The following RMP24 variants were observed in gnomAD, a reference collection of about 807,000 sequenced individuals.
RMP24 encodes ribonuclease MRP protein subunit p24.
chr18:35,975,202 A>G, the RMP24 span: 4 of 871,248 alleles, frequency 4.6e-6, no homozygotes, highest in South Asian at 7.3e-5. Flanking sequence ...TTATAGTAGT[A>G]TATTTGGATT....
chr18:35,972,987 C>G, the RMP24 span: 4 of 1,559,190 alleles, frequency 2.6e-6, no homozygotes, highest in Non-Finnish European at 3.5e-6. Flanking sequence ...TCAAATAAGG[C>G]CGATGGACTC....
At chr18:35,977,422 A>G in the RMP24 span, 20 of 1,609,670 alleles carry the variant, frequency 1.2e-5, no homozygotes, top group South Asian at 2.0e-4. Flanking sequence ...GATCACTTGT[A>G]AAACATGCAA....
At chr18:35,977,705 G>C in the RMP24 span, 1 of 1,233,274 alleles carries the variant, frequency 8.1e-7, no homozygotes, top group South Asian at 1.6e-5. Context: ...TTCAGGACTT[G>C]GCCATTTTTC....
the RMP24 span, chr18:35,977,618 G>GT: frequency 6.3e-7 from 1 of 1,598,904 alleles, no homozygotes; most frequent in African/African-American, 1.4e-5. Context: ...AATCCATGAA[G>GT]TTTTTGAATT....
At chr18:35,976,138 A>ATT in the RMP24 span, among the ~76,000 whole-genome samples, 3,318 of 72,772 alleles carry the variant, frequency 0.046, 582 homozygotes, top group Non-Finnish European at 0.07. Flanking sequence ...TGTTTTTCTG[A>ATT]TTTTTTTTTT....
the RMP24 span, among the ~76,000 whole-genome samples, chr18:35,976,497 A>ATG: frequency 6.6e-6 from 1 of 152,166 alleles, no homozygotes; most frequent in African/African-American, 2.4e-5. Flanking sequence ...TCAATTAGAT[A>ATG]TGTAGAAGAA....
chr18:35,975,888 A>C, the RMP24 span, among the ~76,000 whole-genome samples: 1 of 152,220 alleles, frequency 6.6e-6, no homozygotes, highest in African/African-American at 2.4e-5. Flanking sequence ...TTTGTCATAA[A>C]ATTGAATGGT....
the RMP24 span, chr18:35,974,906 C>T: frequency 1.9e-6 from 3 of 1,612,562 alleles, no homozygotes; most frequent in Non-Finnish European, 2.5e-6. Flanking sequence ...ATGATAAGAG[C>T]ACTTTTGAAG....
At chr18:35,974,584 C>T in the RMP24 span, among the ~76,000 whole-genome samples, 1 of 152,156 alleles carries the variant, frequency 6.6e-6, no homozygotes, top group Non-Finnish European at 1.5e-5. Flanking sequence ...TGAAACATAA[C>T]AGCCTTTTAA....
the RMP24 span, among the ~76,000 whole-genome samples, chr18:35,978,568 G>A: frequency 6.6e-6 from 1 of 152,096 alleles, no homozygotes; most frequent in Non-Finnish European, 1.5e-5. Context: ...CTGAGATGGC[G>A]CCACTGCACT....
chr18:35,974,232 C>T, the RMP24 span, among the ~76,000 whole-genome samples: 9 of 152,208 alleles, frequency 5.9e-5, no homozygotes, highest in African/African-American at 2.2e-4. Flanking sequence ...ATCAATACTT[C>T]TATTCCCCCC....
At chr18:35,975,031 A>C in the RMP24 span, 1 of 1,614,148 alleles carries the variant, frequency 6.2e-7, no homozygotes, top group South Asian at 1.1e-5. Context: ...GAAGCGAGAA[A>C]CTATACACTC....
At chr18:35,977,505 A>G in the RMP24 span, 2 of 1,614,184 alleles carry the variant, frequency 1.2e-6, no homozygotes, top group Non-Finnish European at 1.7e-6. Flanking sequence ...CCACTCCTAC[A>G]AGTAAACTCA....
the RMP24 span, chr18:35,979,124 G>A: frequency 9.9e-7 from 1 of 1,014,510 alleles, no homozygotes; most frequent in East Asian, 2.7e-5. Context: ...GCATCCTTCA[G>A]TGTTTATGGG....
chr18:35,976,225 C>G, the RMP24 span, among the ~76,000 whole-genome samples: 1 of 137,590 alleles, frequency 7.3e-6, no homozygotes, highest in Non-Finnish European at 1.5e-5. Context: ...TCTCGGTTCA[C>G]TGCAAGCCCC....
At chr18:35,974,594 A>G in the RMP24 span, among the ~76,000 whole-genome samples, 1 of 152,234 alleles carries the variant, frequency 6.6e-6, no homozygotes, top group Non-Finnish European at 1.5e-5. Flanking sequence ...CAGCCTTTTA[A>G]AACTTAGTAG....
At chr18:35,975,153 A>T in the RMP24 span, 51 of 1,433,520 alleles carry the variant, frequency 3.6e-5, no homozygotes, top group Non-Finnish European at 4.7e-5. Flanking sequence ...CTTTCACTTA[A>T]AATCAGTTTA....
chr18:35,975,169 C>A, the RMP24 span: 1 of 1,255,552 alleles, frequency 8.0e-7, no homozygotes, highest in Non-Finnish European at 1.1e-6. Context: ...GTTTAAGAAT[C>A]AGCCTCAGTA....
chr18:35,974,613 G>A, the RMP24 span, among the ~76,000 whole-genome samples: 1 of 152,202 alleles, frequency 6.6e-6, no homozygotes, highest in Admixed American at 6.5e-5. Context: ...AGCAAGTAAT[G>A]AGAAGTGGCT....
Sources: allele counts gnomAD v4.1 joint callset (sites outside exome capture counted in the v4.1 genomes callset), GRCh38; gene constraint gnomAD v4.1.1; transcripts MANE v1.5; gene names NCBI Gene and HGNC (gene_info 2026-07-23, HGNC 2026-07-21).